Variants in CBLB observed in about 807,000 individuals in gnomAD.
The protein encoded by CBLB is E3 ubiquitin-protein ligase CBL-B.
In CBLB, 31 loss-of-function variants were observed where a neutral mutation model predicts 104.9. The observed-to-expected ratio is 0.30, with a 90% CI of 0.22 to 0.40. CBLB has a LOEUF of 0.40. Among genes scored for constraint, CBLB ranks in the 10% least tolerant of loss-of-function variants. The pLI is 1.00. For missense variants in CBLB, 1,062 were observed against 1,214.6 expected, an observed-to-expected ratio of 0.87 and a Z score of 1.87; for synonymous variants, 440 against 422.6, an observed-to-expected ratio of 1.04 and a Z score of -0.51.
At chr3:105,729,651 T>C (rs1396226163) in intron 9 of CBLB, among the ~76,000 whole-genome samples, 3 of 152,108 alleles carry the variant, frequency 2.0e-5, no homozygotes, top group African/African-American at 4.8e-5. Flanking sequence ...TTTGGCAATA[T>C]TTTGTGGAAC....
intron 4 of CBLB, among the ~76,000 whole-genome samples, chr3:105,773,639 T>C (rs2079124289): frequency 6.6e-6 from 1 of 152,224 alleles, no homozygotes; most frequent in South Asian, 2.1e-4. Context: ...TCGAGCTTCA[T>C]GCTTAAAGTT....
chr3:105,858,790 T>C (rs2153137907), intron 2 of CBLB, among the ~76,000 whole-genome samples: 1 of 152,330 alleles, frequency 6.6e-6, no homozygotes, highest in African/African-American at 2.4e-5. Flanking sequence ...CTCAGAACCC[T>C]GATAGCTGGA....
intron 3 of CBLB, among the ~76,000 whole-genome samples, chr3:105,810,988 TTAC>T (rs751193841): frequency 9.2e-5 from 14 of 152,270 alleles, no homozygotes; most frequent in South Asian, 2.1e-4. Flanking sequence ...TCCAGTTTTA[TTAC>T]TACTTTTTAT....
intron 10 of CBLB, among the ~76,000 whole-genome samples, chr3:105,716,507 T>TTTGGA (rs1294916928): frequency 1.3e-5 from 2 of 152,172 alleles, no homozygotes; most frequent in African/African-American, 4.8e-5. Context: ...CATAACATCA[T>TTTGGA]AGCAATATTC....
At chr3:105,751,199 T>C (rs1038492438) in intron 5 of CBLB, among the ~76,000 whole-genome samples, 1 of 152,222 alleles carries the variant, frequency 6.6e-6, no homozygotes, top group Non-Finnish European at 1.5e-5. Flanking sequence ...AAAGCTCTTT[T>C]GGATGGATCC....
intron 3 of CBLB, among the ~76,000 whole-genome samples, chr3:105,797,918 A>G (rs549445200): frequency 6.8e-4 from 103 of 152,324 alleles, no homozygotes; most frequent in African/African-American, 2.4e-3. Context: ...GCTCAAGCTC[A>G]AGAGCAAGGC....
At chr3:105,803,617 G>C (rs757650273) in intron 3 of CBLB, among the ~76,000 whole-genome samples, 5 of 152,160 alleles carry the variant, frequency 3.3e-5, no homozygotes, top group Non-Finnish European at 7.3e-5. Flanking sequence ...AATCTATGAA[G>C]TAATAGTTTT....
At chr3:105,709,347 C>T (rs931825739) in intron 10 of CBLB, among the ~76,000 whole-genome samples, 8 of 151,888 alleles carry the variant, frequency 5.3e-5, no homozygotes, top group Admixed American at 3.3e-4. Context: ...ATAAAAAATA[C>T]GTTTTACTGG....
intron 3 of CBLB, among the ~76,000 whole-genome samples, chr3:105,802,604 C>T (rs895390427): frequency 3.3e-5 from 5 of 152,172 alleles, no homozygotes; most frequent in African/African-American, 1.2e-4. Flanking sequence ...ATCCTAAAAG[C>T]ATCTACCTAT....
At chr3:105,796,325 C>T (rs889792738) in intron 3 of CBLB, among the ~76,000 whole-genome samples, 6 of 152,020 alleles carry the variant, frequency 3.9e-5, no homozygotes, top group Admixed American at 6.5e-5. Context: ...ACAAAGTTGA[C>T]AAAAACAAGC....
chr3:105,853,355 T>G, intron 3 of CBLB, 59 bp downstream of exon 3: 1 of 1,572,348 alleles, frequency 6.4e-7, no homozygotes, highest in Non-Finnish European at 8.7e-7. Context: ...AGGTTAACTA[T>G]TAAGTAAAAA....
In CBLB at chr3:105,740,536, T is replaced by C; in HGVS notation, c.941A>G (p.Lys314Arg). The change falls in exon 7 of 19, where the codon AAG becomes AGG. Residue 314 changes from lysine (K) to arginine (R), a missense_variant. Physicochemically the swap from Lys to Arg is conservative, Grantham distance 26 (BLOSUM62 2). Around this residue, in one of 2 missense-constraint regions of CBLB, gnomAD observed 457 missense variants for 632.0 expected, o/e 0.72. Transcript: ENST00000394030. ...GNILQTIPHN[K>R]PLFQALIDGS... ...ATCAATCAGGGCTTGAAATAAGGGC[T>C]TGTTATGAGGTATGGTCTGTAAGAT... 2 of 1,614,132 alleles carry C rather than the reference T, an allele frequency of 1.2e-6. No homozygotes were observed. The highest frequency in any genetic ancestry group is 1.7e-6 in the Non-Finnish European group (2 of 1,179,996).
intron 6 of CBLB, among the ~76,000 whole-genome samples, chr3:105,743,107 CA>C (rs2075770895): frequency 6.6e-6 from 1 of 152,160 alleles, no homozygotes; most frequent in Admixed American, 6.5e-5. Flanking sequence ...TTCCCAACCT[CA>C]AGTGAATTTT....
chr3:105,725,345 T>C (rs554945215), intron 9 of CBLB, among the ~76,000 whole-genome samples: 77 of 152,334 alleles, frequency 5.1e-4, no homozygotes, highest in African/African-American at 1.5e-3. Context: ...AGAATGAGTC[T>C]ACATTCTAAA....
At chr3:105,714,235 T>A (rs2071513022) in intron 10 of CBLB, among the ~76,000 whole-genome samples, 1 of 152,130 alleles carries the variant, frequency 6.6e-6, no homozygotes, top group African/African-American at 2.4e-5. Context: ...GTCCCCAACC[T>A]TTTTGGCACC....
At chr3:105,837,434 A>G (rs549871805) in intron 3 of CBLB, among the ~76,000 whole-genome samples, 1 of 152,374 alleles carries the variant, frequency 6.6e-6, no homozygotes, top group Admixed American at 6.5e-5. Flanking sequence ...AAATGTTAAT[A>G]TAAGAATAAG....
intron 4 of CBLB, among the ~76,000 whole-genome samples, chr3:105,767,162 G>T (rs545874375): frequency 6.6e-6 from 1 of 152,122 alleles, no homozygotes; most frequent in East Asian, 1.9e-4. Flanking sequence ...TCCTACTTTA[G>T]TTCTTTTTTC....
chr3:105,721,517 G>C (rs1000158633), intron 9 of CBLB, among the ~76,000 whole-genome samples: 5 of 152,114 alleles, frequency 3.3e-5, no homozygotes, highest in Admixed American at 3.3e-4. Context: ...GCTTGCTTAA[G>C]AAAAATCAAT....
At chr3:105,670,440 T>G in intron 17 of CBLB, 88 bp from the exon 18 acceptor site, 1 of 1,054,902 alleles carries the variant, frequency 9.5e-7, no homozygotes, top group East Asian at 2.6e-5. Flanking sequence ...TTATGAAGAT[T>G]ATGGCTTTCA....
Sources: gnomAD v4.1 joint callset for allele counts (sites outside exome capture counted in the v4.1 genomes callset) on GRCh38, gnomAD v4.1.1 for gene constraint, gnomAD v4.1.1 regional missense constraint, MANE v1.5 for transcripts, NCBI Gene and HGNC (gene_info 2026-07-23, HGNC 2026-07-21) for gene names.